The following DMD variants were observed in gnomAD, a reference collection of about 807,000 sequenced individuals.
The protein encoded by DMD is dystrophin.
In DMD, 63 loss-of-function variants were observed where a neutral mutation model predicts 330.1. That is an observed-to-expected ratio of 0.19 (90% CI 0.16 to 0.24). The LOEUF is 0.24. DMD is among the 10% of genes least tolerant of loss of function. DMD has a pLI of 1.00. For synonymous variants in DMD, 1,223 were observed against 959.8 expected (o/e 1.27, Z -5.07); for missense variants, 3,344 against 2,684.1 (o/e 1.25, Z -5.43).
intron 12 of DMD, among the ~76,000 whole-genome samples, chrX:32,601,465 A>G (rs1355265094): frequency 1.8e-5 from 2 of 111,644 alleles, no homozygotes; most frequent in Non-Finnish European, 3.8e-5. Flanking sequence ...CAATGGAGAG[A>G]TTTGAAAGGC....
intron 13 of DMD, among the ~76,000 whole-genome samples, chrX:32,580,807 G>A (rs892178847): frequency 2.7e-5 from 3 of 111,165 alleles, no homozygotes; most frequent in African/African-American, 9.8e-5. Context: ...AAACAACAGG[G>A]CCATATTCCA....
intron 30 of DMD, among the ~76,000 whole-genome samples, chrX:32,398,579 G>T (rs566223498): frequency 9.0e-6 from 1 of 111,025 alleles, no homozygotes; most frequent in Non-Finnish European, 1.9e-5. Context: ...CCACAGAACC[G>T]TTTAAAAATA....
chrX:33,251,993 C>A (rs1282125985), intron 1 of DMD, among the ~76,000 whole-genome samples: 1 of 111,929 alleles, frequency 8.9e-6, no homozygotes, highest in East Asian at 2.8e-4. Flanking sequence ...AATTTTATGT[C>A]AATACTTAAA....
At chrX:31,707,893 G>GA (rs1359656219) in intron 52 of DMD, among the ~76,000 whole-genome samples, 4 of 109,296 alleles carry the variant, frequency 3.7e-5, no homozygotes, top group Non-Finnish European at 7.6e-5. Context: ...AACAATGATT[G>GA]AAAAAAAAGA....
At chrX:31,606,397 T>C (rs928235118) in intron 55 of DMD, among the ~76,000 whole-genome samples, 51 of 112,045 alleles carry the variant, frequency 4.6e-4, no homozygotes, top group Non-Finnish European at 6.8e-4. Flanking sequence ...TCTTATGAAA[T>C]GGGGTTCTGT....
At position 32,641,436 on chromosome X, in the gene DMD, A is replaced by ATC. The variant is rs768929260; in HGVS notation, c.1331+2694_1331+2695dup. ...TATATATATATATATATATATATAT[A>ATC]TCTCACAATGACTATATATCAAATA... On this transcript the variant is annotated intron_variant, in intron 11 of 78. Coordinates refer to ENST00000357033, the MANE Select transcript of DMD (RefSeq NM_004006.3). 78 of 113,658 alleles carry ATC rather than the reference A, an allele frequency of 6.9e-4. No homozygotes were observed. In the East Asian group the frequency reaches 0.01, roughly 15 times the overall value. 9.4% of individuals were successfully genotyped at this position (113,658 alleles called of 1,213,427 possible). A position where few individuals can be genotyped will look rare whatever the true frequency, so the allele number is the denominator to read the frequency against.
rs761305845 is a variant in DMD, at chrX:33,164,923, T to A, written c.31+46359A>T. ...ATTATTTGCTTTGCTTTACTTACTT[T>A]CTTTCTTTTTTTTTTTTTTTGCATA... On this transcript the variant is annotated intron_variant, in intron 1 of 78. Coordinates refer to ENST00000357033, the MANE Select transcript of DMD (RefSeq NM_004006.3). Among the ~76,000 whole-genome samples, 13 of 44,254 alleles carry A rather than the reference T, an allele frequency of 2.9e-4. No homozygotes were observed. In the South Asian group the frequency reaches 9.8e-3, roughly 33 times the overall value. The allele number at this position is 44,254 out of a possible 115,157, so 38.4% of individuals were successfully genotyped here. A position where few individuals can be genotyped will look rare whatever the true frequency, so the allele number is the denominator to read the frequency against.
chrX:33,038,171 G>T (rs1983039782), intron 1 of DMD, among the ~76,000 whole-genome samples: 1 of 111,876 alleles, frequency 8.9e-6, no homozygotes, highest in African/African-American at 3.2e-5. Context: ...CCCATGGTTT[G>T]CCATAGAAGA....
chrX:32,845,036 T>A (rs1253405770), intron 3 of DMD, among the ~76,000 whole-genome samples, 176 bp from the exon 4 acceptor site: 24 of 112,051 alleles, frequency 2.1e-4, no homozygotes, highest in Non-Finnish European at 5.6e-5. Flanking sequence ...CCTGGTACGT[T>A]TTTAGCATAA....
At chrX:32,964,618 G>A (rs1602264069) in intron 2 of DMD, among the ~76,000 whole-genome samples, 2 of 111,124 alleles carry the variant, frequency 1.8e-5, no homozygotes, top group African/African-American at 6.5e-5. Context: ...TGAGGCAGGA[G>A]AATTGCTTGA....
At chrX:33,326,678 A>G (rs2054093978) in intron 1 of DMD, among the ~76,000 whole-genome samples, 2 of 112,205 alleles carry the variant, frequency 1.8e-5, no homozygotes, top group African/African-American at 6.5e-5. Flanking sequence ...TATAAATAAT[A>G]TAAAGCCACC....
chrX:33,175,066 C>T (rs771578874), intron 1 of DMD, among the ~76,000 whole-genome samples: 15 of 112,087 alleles, frequency 1.3e-4, no homozygotes, highest in Non-Finnish European at 2.6e-4. Context: ...TTGAGATGAT[C>T]GATCTATGTT....
At chrX:32,220,403 T>TCAA (rs1350437079) in intron 43 of DMD, among the ~76,000 whole-genome samples, 1 of 111,358 alleles carries the variant, frequency 9.0e-6, no homozygotes, top group Non-Finnish European at 1.9e-5. Context: ...AAGTAACTAT[T>TCAA]CAAACAAAAT....
At chrX:32,456,320 G>A (rs930747319) in intron 25 of DMD, among the ~76,000 whole-genome samples, 7 of 110,870 alleles carry the variant, frequency 6.3e-5, no homozygotes, top group African/African-American at 2.3e-4. Context: ...AACACATCTA[G>A]AACAATATGT....
intron 7 of DMD, among the ~76,000 whole-genome samples, chrX:32,765,458 A>G (rs1423648045): frequency 9.0e-6 from 1 of 111,237 alleles, no homozygotes; most frequent in African/African-American, 3.3e-5. Context: ...GAAGCCGAGC[A>G]GATGCCAGCA....
At chrX:32,609,986 GA>G (rs1349061639) in intron 12 of DMD, among the ~76,000 whole-genome samples, 3 of 110,546 alleles carry the variant, frequency 2.7e-5, no homozygotes, top group South Asian at 3.7e-4. Flanking sequence ...TTTTCCTTTT[GA>G]AAAAAATGCC....
chrX:33,055,146 A>C (rs1213406095), intron 1 of DMD, among the ~76,000 whole-genome samples: 6 of 111,727 alleles, frequency 5.4e-5, no homozygotes, highest in Non-Finnish European at 1.1e-4. Context: ...GAAAATGATA[A>C]AGTTGCCCTG....
At chrX:32,587,746 C>T (rs1463972038) in intron 13 of DMD, among the ~76,000 whole-genome samples, 2 of 111,635 alleles carry the variant, frequency 1.8e-5, no homozygotes, top group East Asian at 5.6e-4. Context: ...TGAAGAACAG[C>T]TCACCACTTT....
intron 47 of DMD, among the ~76,000 whole-genome samples, chrX:31,892,335 T>C (rs1315261675): frequency 9.0e-6 from 1 of 111,460 alleles, no homozygotes; most frequent in African/African-American, 3.3e-5. Flanking sequence ...GTAGCCTTGA[T>C]GGGCATAGAA....
Sources: allele counts gnomAD v4.1 joint callset (sites outside exome capture counted in the v4.1 genomes callset), GRCh38; gene constraint gnomAD v4.1.1; transcripts MANE v1.5; gene names NCBI Gene and HGNC (gene_info 2026-07-23, HGNC 2026-07-21).